CDK14: variants seen among roughly 807,000 people sequenced by gnomAD.
The protein encoded by CDK14 is cyclin-dependent kinase 14.
Under a neutral mutation model 60.7 loss-of-function variants are expected in CDK14, and 34 were observed. The ratio of observed to expected loss-of-function variants is 0.56; its 90% CI spans 0.43 to 0.75. The LOEUF is 0.75. CDK14 is among the 30% of genes least tolerant of loss of function. The probability of loss-of-function intolerance (pLI) is 0.00; values close to 1 mark genes in which losing one functional copy is unlikely to be tolerated. For missense variants in CDK14, 482 were observed against 564.1 expected, an observed-to-expected ratio of 0.85 and a Z score of 1.47; for synonymous variants, 197 against 203.7, an observed-to-expected ratio of 0.97 and a Z score of 0.28.
intron 4 of CDK14, among the ~76,000 whole-genome samples, chr7:90,764,369 A>T (rs1338811578): frequency 6.6e-6 from 1 of 152,206 alleles, no homozygotes; most frequent in Admixed American, 6.5e-5. Flanking sequence ...GAAAGAATTA[A>T]CAAGGTGGGG....
intron 5 of CDK14, among the ~76,000 whole-genome samples, chr7:90,846,019 A>G (rs1346544030): frequency 1.3e-5 from 2 of 152,126 alleles, no homozygotes; most frequent in African/African-American, 4.8e-5. Flanking sequence ...ATAAAATAAT[A>G]ATTAAACTCC....
intron 9 of CDK14, among the ~76,000 whole-genome samples, chr7:90,962,435 G>A (rs1218596608): frequency 6.6e-6 from 1 of 151,982 alleles, no homozygotes; most frequent in Non-Finnish European, 1.5e-5. Flanking sequence ...ACAGTGAGTT[G>A]AGATCGCACC....
intron 10 of CDK14, among the ~76,000 whole-genome samples, chr7:90,991,329 C>T (rs561079880): frequency 2.6e-4 from 40 of 152,102 alleles, no homozygotes; most frequent in African/African-American, 7.7e-4. Context: ...GTTCCCACAT[C>T]GTATTAGTTC....
intron 14 of CDK14, among the ~76,000 whole-genome samples, chr7:91,172,775 A>G (rs1241539440): frequency 6.6e-6 from 1 of 152,158 alleles, no homozygotes; most frequent in African/African-American, 2.4e-5. Flanking sequence ...TTATTTCTCT[A>G]AGAAGCCTTT....
At chr7:91,019,473 T>A (rs1248225027) in intron 10 of CDK14, among the ~76,000 whole-genome samples, 1 of 152,180 alleles carries the variant, frequency 6.6e-6, no homozygotes, top group African/African-American at 2.4e-5. Context: ...AAATTCAAAA[T>A]CTTTTTAGTC....
chr7:91,124,546 G>A (rs1005186423), intron 14 of CDK14, among the ~76,000 whole-genome samples: 4 of 151,628 alleles, frequency 2.6e-5, no homozygotes, highest in African/African-American at 9.7e-5. Flanking sequence ...AAGCAAAGTG[G>A]CTGAAAGAGA....
intron 10 of CDK14, among the ~76,000 whole-genome samples, chr7:91,035,833 C>CGTT (rs765764443): frequency 1.0e-5 from 1 of 99,232 alleles, no homozygotes; most frequent in East Asian, 3.3e-4. Context: ...GCTTCATGGT[C>CGTT]TTTTTTTTTT....
chr7:91,112,770 A>G, intron 13 of CDK14, 89 bp downstream of exon 13: 2 of 1,366,958 alleles, frequency 1.5e-6, no homozygotes, highest in Admixed American at 1.8e-5. Flanking sequence ...AGAGATTCAC[A>G]TATTTGTGTG....
chr7:91,145,715 T>C (rs1657541339), intron 14 of CDK14, among the ~76,000 whole-genome samples: 1 of 152,204 alleles, frequency 6.6e-6, no homozygotes, highest in Non-Finnish European at 1.5e-5. Flanking sequence ...TTTCAAAAGA[T>C]GAATAGGCAA....
chr7:90,599,517 G>C lies in CDK14; in HGVS notation c.91+2799G>C, dbSNP rs575189572. On this transcript the variant is annotated intron_variant, in intron 1 of 14. Transcript: ENST00000380050. ...TTCATATACGGTGAATATATGTGAA[G>C]ACTAAATCGGATAAAACACCTGAAA... 3.9e-5 allele frequency among the ~76,000 whole-genome samples: 6 copies of C among 152,284 alleles called. No homozygotes were observed. The South Asian group carries it at 1.2e-3, about 32-fold the overall frequency.
chr7:91,071,468 C>T (rs901127142), intron 11 of CDK14, among the ~76,000 whole-genome samples: 3 of 152,196 alleles, frequency 2.0e-5, no homozygotes, highest in African/African-American at 7.2e-5. Flanking sequence ...CCAAGGGAGG[C>T]AGTGAGTGAG....
chr7:90,854,601 G>T (rs183515886), intron 5 of CDK14, among the ~76,000 whole-genome samples: 1 of 150,652 alleles, frequency 6.6e-6, no homozygotes, highest in Non-Finnish European at 1.5e-5. Context: ...TGATATGAAT[G>T]GTTATTCTTC....
rs140897482 is a variant in CDK14 at position 90,794,753 on chromosome 7, C to T, written c.544+4101C>T. Among the ~76,000 whole-genome samples the T allele has an allele frequency of 6.3e-3, 965 of 152,176 alleles. 6 individuals carry two copies. Among genetic ancestry groups the T allele is most frequent in the Middle Eastern group, 0.01 (3 of 294 alleles). On this transcript the variant is annotated intron_variant, in intron 5 of 14. Transcript: ENST00000380050. Reference sequence around the variant, plus strand: ...GTCCTGAGGCGACATTCATCCTCAGCTTATGAAGATGATGGGATTAAGAGA... The same window carrying T: ...GTCCTGAGGCGACATTCATCCTCAGTTTATGAAGATGATGGGATTAAGAGA...
chr7:91,117,987 T>C (rs556884058), intron 13 of CDK14, 78 bp from the exon 14 acceptor site: 4 of 778,366 alleles, frequency 5.1e-6, no homozygotes, highest in East Asian at 5.6e-5. Flanking sequence ...TGCATCTCAG[T>C]CTCCATTTTT....
intron 11 of CDK14, among the ~76,000 whole-genome samples, chr7:91,073,659 A>G (rs1353182211): frequency 6.6e-6 from 1 of 152,162 alleles, no homozygotes; most frequent in Non-Finnish European, 1.5e-5. Flanking sequence ...AACAATATTA[A>G]CCTTAAATGT....
intron 4 of CDK14, among the ~76,000 whole-genome samples, chr7:90,748,960 C>T (rs966849305): frequency 2.0e-5 from 3 of 152,048 alleles, no homozygotes; most frequent in Non-Finnish European, 4.4e-5. Flanking sequence ...AAGGATCATT[C>T]CAAAGACATA....
At chr7:90,692,021 A>T (rs1801563510) in intron 2 of CDK14, among the ~76,000 whole-genome samples, 1 of 152,170 alleles carries the variant, frequency 6.6e-6, no homozygotes. Context: ...TTTTCTACAT[A>T]CATAAGTTGT....
At chr7:90,692,756 G>A in intron 2 of CDK14, 9 of 695,352 alleles carry the variant, frequency 1.3e-5, no homozygotes, top group Non-Finnish European at 1.4e-5. Flanking sequence ...GACACATATT[G>A]TTATATTTGC....
At chr7:91,177,261 C>A (rs1269972217) in intron 14 of CDK14, among the ~76,000 whole-genome samples, 3 of 140,494 alleles carry the variant, frequency 2.1e-5, no homozygotes, top group African/African-American at 5.4e-5. Context: ...ATTCAACAAC[C>A]CTTCATGCTA....
Sources: gnomAD v4.1 joint callset for allele counts (sites outside exome capture counted in the v4.1 genomes callset) on GRCh38, gnomAD v4.1.1 for gene constraint, MANE v1.5 for transcripts, NCBI Gene and HGNC (gene_info 2026-07-23, HGNC 2026-07-21) for gene names.